Variants in CYB5B observed in about 807,000 individuals in gnomAD.
CYB5B encodes the protein cytochrome b5 type B, also known as cytochrome b5 type B (outer mitochondrial membrane).
A neutral mutation model predicts 21.3 loss-of-function variants in CYB5B; 14 were observed. That is an observed-to-expected ratio of 0.66 (90% CI 0.43 to 1.03). The LOEUF is 1.03. Among genes scored for constraint, CYB5B ranks in the 50% least tolerant of loss-of-function variants. The pLI, the probability that CYB5B is intolerant of heterozygous loss-of-function variation, is 0.00. For missense variants in CYB5B, 166 were observed against 185.1 expected, an observed-to-expected ratio of 0.90 and a Z score of 0.60; for synonymous variants, 69 against 68.4, an observed-to-expected ratio of 1.01 and a Z score of -0.04.
intron 3 of CYB5B, among the ~76,000 whole-genome samples, chr16:69,453,704 G>A (rs1374217897): frequency 6.6e-6 from 1 of 151,948 alleles, no homozygotes; most frequent in Non-Finnish European, 1.5e-5. Flanking sequence ...GATTACAGGC[G>A]CCTACCACCA....
In CYB5B at chr16:69,462,684, C is replaced by A. The variant is rs2015047657; in HGVS notation, c.*164C>A. ...ATCACCTCAGATCTGAGACCAGCGT[C>A]TTCCATCTCTCAGAGCCTTACTCCC... On this transcript the variant is annotated 3_prime_UTR_variant, in exon 5 of 5. Transcript: ENST00000307892. The A allele has an allele frequency of 1.6e-6, 1 of 612,840 alleles. No individual in the cohort carries two copies. Among genetic ancestry groups the A allele is most frequent in the African/African-American group, 1.8e-5 (1 of 54,392 alleles). The allele number at this position is 612,840 out of a possible 1,614,324, so 38.0% of individuals were successfully genotyped here. A position where few individuals can be genotyped will look rare whatever the true frequency, so the allele number is the denominator to read the frequency against.
chr16:69,449,058 T>C (rs536365318), intron 3 of CYB5B: 1 of 152,342 alleles, frequency 6.6e-6, no homozygotes, highest in Admixed American at 6.5e-5. Context: ...AGAGTGTTTG[T>C]GTAAATTAAC....
At chr16:69,441,731 A>C (rs1459935153) in intron 1 of CYB5B, among the ~76,000 whole-genome samples, 3 of 152,330 alleles carry the variant, frequency 2.0e-5, no homozygotes, top group African/African-American at 7.2e-5. Context: ...AACTGACTGG[A>C]CATATACAGT....
chr16:69,451,646 A>G (rs2014931693), intron 3 of CYB5B, among the ~76,000 whole-genome samples: 1 of 152,124 alleles, frequency 6.6e-6, no homozygotes, highest in Admixed American at 6.6e-5. Flanking sequence ...AAATAGTTCA[A>G]AACAGTATAC....
Position 69,449,723 on chromosome 16 carries a change from T to G in CYB5B, c.333+1579T>G, listed in dbSNP as rs901279090. 4 of 152,310 alleles carry G rather than the reference T, an allele frequency of 2.6e-5. No individual in the cohort carries two copies. In the East Asian group the frequency reaches 7.7e-4, roughly 29 times the overall value. 9.4% of individuals were successfully genotyped at this position (152,310 alleles called of 1,614,324 possible). A position where few individuals can be genotyped will look rare whatever the true frequency, so the allele number is the denominator to read the frequency against. ...TTCTTGGGCTTCTACTCCTACTGCTTTGGAATCTCTGGAGATAGGGTTTAG... is the reference window on the plus strand; with the variant it reads ...TTCTTGGGCTTCTACTCCTACTGCTGTGGAATCTCTGGAGATAGGGTTTAG... On this transcript the variant is annotated intron_variant, in intron 3 of 4. Transcript: ENST00000307892.
intron 1 of CYB5B, among the ~76,000 whole-genome samples, chr16:69,438,926 T>C (rs1567471748): frequency 6.6e-6 from 1 of 152,192 alleles, no homozygotes; most frequent in Non-Finnish European, 1.5e-5. Flanking sequence ...ACTCTTGATG[T>C]CCTTTGATGC....
Position 69,462,541 on chromosome 16 carries a change from A to G in CYB5B, c.*21A>G, listed in dbSNP as rs1199685851. The G allele has an allele frequency of 1.2e-6, 2 of 1,604,086 alleles. No homozygotes were observed. Among genetic ancestry groups the G allele is most frequent in the Non-Finnish European group, 1.7e-6 (2 of 1,171,242 alleles). ...CCTGAGGAGGCCTTGCTGAAGTTAG[A>G]AAGTGCATCCACTTTGGGGCGAAAA... On this transcript the variant is annotated 3_prime_UTR_variant, in exon 5 of 5. Transcript: ENST00000307892.
Position 69,424,675 on chromosome 16 carries a change from A to G in CYB5B, c.-9A>G, listed in dbSNP as rs1334913328. 9 of 1,541,376 alleles carry G rather than the reference A, an allele frequency of 5.8e-6. No homozygotes were observed. The highest frequency in any genetic ancestry group is 3.5e-4 in the Middle Eastern group (2 of 5,730). On this transcript the variant is annotated 5_prime_UTR_variant, in exon 1 of 5. Transcript: ENST00000307892. ...GTCGCGGAATCTCAGTTAGCGGTGG[A>G]GAGGCAGTATGTCCGGTTCAATGGC...
At chr16:69,441,059 A>G (rs909835574) in intron 1 of CYB5B, among the ~76,000 whole-genome samples, 3 of 152,156 alleles carry the variant, frequency 2.0e-5, no homozygotes, top group African/African-American at 7.2e-5. Context: ...TCTCATTTGT[A>G]ACATTTTGCA....
chr16:69,458,929 C>T (rs1352788729), intron 3 of CYB5B, among the ~76,000 whole-genome samples, 164 bp from the exon 4 acceptor site: 1 of 152,130 alleles, frequency 6.6e-6, no homozygotes, highest in African/African-American at 2.4e-5. Context: ...AATTCCCAGT[C>T]TATCCATTGC....
intron 3 of CYB5B, among the ~76,000 whole-genome samples, chr16:69,451,036 A>G (rs1481250189): frequency 6.6e-6 from 1 of 152,234 alleles, no homozygotes; most frequent in African/African-American, 2.4e-5. Context: ...GATGGATAGT[A>G]CCTGAGTTGA....
intron 3 of CYB5B, chr16:69,448,387 A>G: frequency 1.9e-6 from 1 of 523,418 alleles, no homozygotes; most frequent in Non-Finnish European, 3.4e-6. Flanking sequence ...CTGAAACTCC[A>G]AAGCTATGCC....
intron 1 of CYB5B, among the ~76,000 whole-genome samples, chr16:69,434,081 A>G (rs79198330): frequency 0.013 from 1,973 of 152,298 alleles, 49 homozygotes; most frequent in African/African-American, 0.044. Context: ...TAACTGTAGA[A>G]CATTTCTACC....
chr16:69,441,833 A>G (rs1354592168), intron 1 of CYB5B, among the ~76,000 whole-genome samples: 1 of 152,176 alleles, frequency 6.6e-6, no homozygotes, highest in Non-Finnish European at 1.5e-5. Flanking sequence ...GATGATCCTG[A>G]AAGTTCCCTA....
At chr16:69,431,408 C>T (rs72797179) in intron 1 of CYB5B, among the ~76,000 whole-genome samples, 8,396 of 152,130 alleles carry the variant, frequency 0.055, 332 homozygotes, top group South Asian at 0.16. Flanking sequence ...AGTAGTAGGC[C>T]CTGGTGGTGT....
intron 3 of CYB5B, among the ~76,000 whole-genome samples, chr16:69,451,005 G>T (rs1161951776): frequency 6.6e-6 from 1 of 152,056 alleles, no homozygotes; most frequent in Admixed American, 6.6e-5. Flanking sequence ...ATAATTAATG[G>T]TCACCATTGT....
chr16:69,462,506 A>G lies in CYB5B; in HGVS notation c.439A>G (p.Ser147Gly), dbSNP rs369428215. 1.2e-6 allele frequency: 2 copies of G among 1,614,076 alleles called. No homozygotes were observed. Among genetic ancestry groups the G allele is most frequent in the Non-Finnish European group, 1.7e-6 (2 of 1,179,980 alleles). ...GFLYRYYTSESKSS is the reference protein window; with the variant it reads ...GFLYRYYTSEGKSS ...CCTGTACCGCTACTACACATCGGAA[A>G]GCAAATCCTCCTGAGGAGGCCTTGC... Residue 147 changes from serine (S) to glycine (G), a missense_variant, in exon 5 of 5, where the codon AGC becomes GGC. Physicochemically the swap from Ser to Gly is moderately conservative, Grantham distance 56. Coordinates refer to ENST00000307892, the MANE Select transcript of CYB5B (RefSeq NM_030579.3).
chr16:69,454,428 G>A (rs1382784783), intron 3 of CYB5B, among the ~76,000 whole-genome samples: 2 of 152,216 alleles, frequency 1.3e-5, no homozygotes, highest in Admixed American at 1.3e-4. Context: ...CCACATGACT[G>A]TGTCATAGTT....
chr16:69,447,327 C>T, intron 2 of CYB5B, 49 bp downstream of exon 2: 1 of 1,596,388 alleles, frequency 6.3e-7, no homozygotes, highest in East Asian at 2.2e-5. Flanking sequence ...AACTACTTAA[C>T]AGCTGCAGAA....
Sources: allele counts gnomAD v4.1 joint callset (sites outside exome capture counted in the v4.1 genomes callset), GRCh38; gene constraint gnomAD v4.1.1; transcripts MANE v1.5; gene names NCBI Gene and HGNC (gene_info 2026-07-23, HGNC 2026-07-21).